The following CFAP74 variants were observed in gnomAD, a reference collection of about 807,000 sequenced individuals.
The protein encoded by CFAP74 is cilia and flagella associated protein 74, also known as cilia- and flagella-associated protein 74.
CFAP74 carries 124 observed loss-of-function variants against 188.9 expected under a neutral mutation model. That is an observed-to-expected ratio of 0.66 (90% CI 0.57 to 0.76). CFAP74 has a LOEUF of 0.76. Ranked by LOEUF, CFAP74 falls within the 30% of genes least tolerant of loss-of-function variation. The probability of loss-of-function intolerance (pLI) is 0.00; values close to 1 mark genes in which losing one functional copy is unlikely to be tolerated. For synonymous variants in CFAP74, 956 were observed against 916.7 expected, an observed-to-expected ratio of 1.04 and a Z score of -0.77; for missense variants, 2,198 against 2,165.2, an observed-to-expected ratio of 1.02 and a Z score of -0.30.
In CFAP74 at chr1:2,002,673, A is replaced by C. The variant is rs577040823; in HGVS notation, c.-20+1028T>G. On this transcript the variant is annotated intron_variant, in intron 1 of 38. Coordinates refer to ENST00000682832, the MANE Select transcript of CFAP74 (RefSeq NM_001304360.2). ...CAACACAGTGAGACTCTGTCTCAAAAAAACAAAAATTTAAAGAATATATGT... is the reference window on the plus strand; with the variant it reads ...CAACACAGTGAGACTCTGTCTCAAACAAACAAAAATTTAAAGAATATATGT... Among the ~76,000 whole-genome samples, 3 of 150,900 alleles carry C rather than the reference A, an allele frequency of 2.0e-5. No homozygotes were observed. In the South Asian group the frequency reaches 6.2e-4, roughly 31 times the overall value.
chr1:1,987,552 T>A (rs1657315524), intron 4 of CFAP74, among the ~76,000 whole-genome samples: 2 of 150,608 alleles, frequency 1.3e-5, no homozygotes, highest in Non-Finnish European at 3.0e-5. Flanking sequence ...GGTCGCTTTT[T>A]TTTTTCCCGA....
chr1:1,933,775 C>T (rs201097646), intron 25 of CFAP74, among the ~76,000 whole-genome samples: 2 of 152,198 alleles, frequency 1.3e-5, no homozygotes, highest in African/African-American at 2.4e-5. Context: ...ATTTCTATTT[C>T]GTTGACTTCC....
At chr1:1,982,069 G>A (rs1462071805) in intron 6 of CFAP74, among the ~76,000 whole-genome samples, 9 of 69,080 alleles carry the variant, frequency 1.3e-4, no homozygotes, top group East Asian at 4.9e-4. Flanking sequence ...ACACCCAGCC[G>A]TGGTCACATG....
intron 21 of CFAP74, among the ~76,000 whole-genome samples, chr1:1,943,864 G>T (rs1176714729): frequency 6.6e-6 from 1 of 152,206 alleles, no homozygotes; most frequent in Non-Finnish European, 1.5e-5. Context: ...TGGCTCTACG[G>T]GACAGGTTTC....
At chr1:1,980,693 CT>C (rs1656784194) in intron 6 of CFAP74, among the ~76,000 whole-genome samples, 1 of 152,214 alleles carries the variant, frequency 6.6e-6, no homozygotes, top group Non-Finnish European at 1.5e-5. Context: ...CCTGGGAGAG[CT>C]GCGGGTGAGA....
At position 1,955,771 on chromosome 1, in the gene CFAP74, G is replaced by T. The variant is rs368272325; in HGVS notation, c.2096C>A (p.Thr699Lys). Residue 699 changes from threonine to lysine, a missense_variant, in exon 18 of 39, where the codon ACG (threonine) becomes AAG (lysine). Thr to Lys is a moderately conservative substitution (Grantham distance 78). Transcript: ENST00000682832. The part of the protein sequence containing the change: ...TSFSEQQLEG[T>K]ESSQADMQSR... ...CTGCATGTCCGCCTGGGAGGACTCC[G>T]TGCCCTCTAGCTGCTGCTCAGAGAA... 4 of 1,614,204 alleles carry T rather than the reference G, an allele frequency of 2.5e-6. No homozygotes were observed. The highest frequency in any genetic ancestry group is 1.7e-5 in the Admixed American group (1 of 60,028).
chr1:1,981,712 C>A (rs376023848), intron 6 of CFAP74, among the ~76,000 whole-genome samples: 28 of 66,756 alleles, frequency 4.2e-4, no homozygotes, highest in East Asian at 5.4e-4. Flanking sequence ...CGCAGGACAC[C>A]CAGCCGCGGA....
chr1:1,984,598 G>A (rs1316797073), intron 6 of CFAP74: 1 of 152,624 alleles, frequency 6.6e-6, no homozygotes, highest in Non-Finnish European at 1.5e-5. Flanking sequence ...ATCACAGCGA[G>A]CGTGGGTCAG....
chr1:1,935,867 T>TACACACACACACAC (rs35582265), intron 25 of CFAP74, among the ~76,000 whole-genome samples: 11 of 147,802 alleles, frequency 7.4e-5, no homozygotes, highest in African/African-American at 2.5e-4. Context: ...TTTTCAGCAC[T>TACACACACACACAC]ACACACACAC....
chr1:1,974,311 G>T, intron 6 of CFAP74, 113 bp from the exon 7 acceptor site: 1 of 1,047,978 alleles, frequency 9.5e-7, no homozygotes. Context: ...ACCCCAGATG[G>T]GTTAGCTCCC....
At chr1:1,957,644 A>G (rs1016695957) in intron 16 of CFAP74, among the ~76,000 whole-genome samples, 3 of 152,212 alleles carry the variant, frequency 2.0e-5, no homozygotes, top group South Asian at 4.1e-4. Context: ...AGCTCTGGCC[A>G]GGACACCTGG....
At chr1:1,958,134 C>A (rs759967896) in intron 16 of CFAP74, among the ~76,000 whole-genome samples, 2 of 152,228 alleles carry the variant, frequency 1.3e-5, no homozygotes, top group Non-Finnish European at 2.9e-5. Flanking sequence ...AGGAAGCACG[C>A]GACAGAGAAA....
At chr1:1,938,092 C>T (rs1653039703) in intron 25 of CFAP74, among the ~76,000 whole-genome samples, 1 of 147,866 alleles carries the variant, frequency 6.8e-6, no homozygotes. Context: ...CACTCACACT[C>T]AACCTTACAC....
chr1:1,963,344 G>A (rs1558032330), intron 14 of CFAP74, among the ~76,000 whole-genome samples: 1 of 151,516 alleles, frequency 6.6e-6, no homozygotes, highest in South Asian at 2.1e-4. Flanking sequence ...CCAGCTACTG[G>A]GGAGGCTGAG....
Position 1,922,593 on chromosome 1 carries a change from A to C in CFAP74, c.4814T>G (p.Phe1605Cys). The change falls in exon 38 of 39, where the codon TTT becomes TGT. Residue 1605 changes from phenylalanine to cysteine, a missense_variant. Transcript: ENST00000682832. ...CTGGAGCCCAAAGGCACCTACATCA[A>C]AGTCCGCAGGTGGCACCCAGGAGAT... Reference protein sequence around the residue: ...ISISWVPPADFDPDHPLMVSA... With the variant: ...ISISWVPPADCDPDHPLMVSA... 2 of 1,605,608 alleles carry C rather than the reference A, an allele frequency of 1.2e-6. No individual in the cohort carries two copies. The highest frequency in any genetic ancestry group is 8.5e-7 in the Non-Finnish European group (1 of 1,176,056).
Position 1,927,752 on chromosome 1 carries a change from G to A in CFAP74, c.3388-6C>T. The A allele has an allele frequency of 2.6e-6, 4 of 1,549,266 alleles. No individual in the cohort carries two copies. Among genetic ancestry groups the A allele is most frequent in the African/African-American group, 1.4e-5 (1 of 73,178 alleles). ...GGGGCCATATTCTTTCGGAACTGTG[G>A]GGGGAGCGACTGGCTGTGGGGCTGT... On this transcript the variant is annotated splice_region_variant and splice_polypyrimidine_tract_variant and intron_variant, in intron 27 of 38. Coordinates refer to ENST00000682832, the MANE Select transcript of CFAP74 (RefSeq NM_001304360.2).
In CFAP74 at chr1:1,922,334, C is replaced by T. The variant is rs1165203452; in HGVS notation, c.4873G>A (p.Glu1625Lys). The T allele has an allele frequency of 6.2e-7, 1 of 1,605,422 alleles. No homozygotes were observed. Among genetic ancestry groups the T allele is most frequent in the Non-Finnish European group, 8.5e-7 (1 of 1,177,622 alleles). ...ALLQLRGDVK[E>K]TYKVIFVAQV... The stretch of plus-strand genomic sequence containing the variant: ...GCTACAAAGATGACCTTGTAGGTCT[C>T]CTTCACATCCCCCCTTAGCTGCAGC... The change falls in exon 39 of 39, where the codon GAG (glutamate) becomes AAG (lysine). Residue 1625 changes from glutamate (E) to lysine (K), a missense_variant. By Grantham distance (56) the Glu-to-Lys change is moderately conservative. Coordinates refer to ENST00000682832, the MANE Select transcript of CFAP74 (RefSeq NM_001304360.2).
intron 1 of CFAP74, among the ~76,000 whole-genome samples, chr1:1,993,212 A>AG (rs1657698763): frequency 6.6e-6 from 1 of 151,884 alleles, no homozygotes; most frequent in African/African-American, 2.4e-5. Flanking sequence ...AAAAAAAAAA[A>AG]AAAAAAGAAA....
In CFAP74 at chr1:1,966,427, T is replaced by C. The variant is rs1338917026; in HGVS notation, c.1345A>G (p.Thr449Ala). The C allele has an allele frequency of 6.2e-7, 1 of 1,604,596 alleles. No homozygotes were observed. The change falls in exon 12 of 39, where the codon ACG becomes GCG. Residue 449 changes from threonine to alanine, a missense_variant. By Grantham distance (58) the Thr-to-Ala change is moderately conservative. Coordinates refer to ENST00000682832, the MANE Select transcript of CFAP74 (RefSeq NM_001304360.2). ...GDPGASSEEE[T>A]LAEPEISGLW... ...CCAGAGATCTCGGGCTCAGCTAACG[T>C]TTCCTCCTCTGAGCTGGCCCCGGGG...
Sources: allele counts gnomAD v4.1 joint callset (sites outside exome capture counted in the v4.1 genomes callset), GRCh38; gene constraint gnomAD v4.1.1; transcripts MANE v1.5; gene names NCBI Gene and HGNC (gene_info 2026-07-23, HGNC 2026-07-21).